The following YLPM1 variants were observed in gnomAD, a reference collection of about 807,000 sequenced individuals.
YLPM1 encodes the protein YLP motif containing 1.
A neutral mutation model predicts 230.0 loss-of-function variants in YLPM1; 99 were observed. That is an observed-to-expected ratio of 0.43 (90% CI 0.37 to 0.51). The LOEUF is 0.51. Among genes scored for constraint, YLPM1 ranks in the 20% least tolerant of loss-of-function variants. The pLI is 0.00. For missense variants in YLPM1, 2,592 were observed against 2,707.7 expected, an observed-to-expected ratio of 0.96 and a Z score of 0.95; for synonymous variants, 984 against 942.5, an observed-to-expected ratio of 1.04 and a Z score of -0.81.
At position 74,809,546 on chromosome 14, in the gene YLPM1, A is replaced by G. The variant is rs750258278; in HGVS notation, c.4688A>G (p.Lys1563Arg). 7 of 1,600,660 alleles carry G rather than the reference A, an allele frequency of 4.4e-6. No individual in the cohort carries two copies. In the Middle Eastern group the frequency reaches 6.6e-4, roughly 151 times the overall value. The change falls in exon 7 of 21, where the codon AAG becomes AGG. Residue 1563 changes from lysine (K) to arginine (R), a missense_variant. Around this residue, in one of 4 missense-constraint regions of YLPM1, gnomAD observed 403 missense variants for 426.7 expected, o/e 0.94. Coordinates refer to ENST00000325680, the MANE Select transcript of YLPM1 (RefSeq NM_019589.3). ...CTACCTCCTCCTCCTCCAGTGATAA[A>G]GCCACAAACTTCAGCTGTAGAACAG... is the stretch of plus-strand genomic sequence containing the variant. ...PPLPPPPPVI[K>R]PQTSAVEQER...
At chr14:74,823,521 A>G (rs1566766114) in intron 17 of YLPM1, among the ~76,000 whole-genome samples, 1 of 152,164 alleles carries the variant, frequency 6.6e-6, no homozygotes, top group Non-Finnish European at 1.5e-5. Context: ...TAAGCCACCC[A>G]GTTATTTTAT....
At chr14:74,770,575 A>G (rs2090968946) in intron 1 of YLPM1, among the ~76,000 whole-genome samples, 1 of 151,714 alleles carries the variant, frequency 6.6e-6, no homozygotes, top group Non-Finnish European at 1.5e-5. Flanking sequence ...CAGTGAGCCA[A>G]GATTGCCCCA....
At position 74,799,024 on chromosome 14, in the gene YLPM1, A is replaced by G. The variant is rs375919255; in HGVS notation, c.3727A>G (p.Asn1243Asp). 124 of 1,613,878 alleles carry G rather than the reference A, an allele frequency of 7.7e-5. 1 individual carries two copies. Among genetic ancestry groups the G allele is most frequent in the Middle Eastern group, 1.6e-4 (1 of 6,084 alleles). ...DYQDDTLELYNREDRFSAPPS... is the reference protein window; with the variant it reads ...DYQDDTLELYDREDRFSAPPS... ...TCAAGATGATACACTAGAGCTCTATAACAGAGAGGACAGGTTCTCAGCACC... is the reference window on the plus strand; with the variant it reads ...TCAAGATGATACACTAGAGCTCTATGACAGAGAGGACAGGTTCTCAGCACC... The change falls in exon 5 of 21, where the codon AAC (asparagine) becomes GAC (aspartate). Residue 1243 changes from asparagine to aspartate, a missense_variant. Coordinates refer to ENST00000325680, the MANE Select transcript of YLPM1 (RefSeq NM_019589.3).
In YLPM1 at chr14:74,764,372, C is replaced by A; in HGVS notation, c.873+10C>A. On this transcript the variant is annotated intron_variant, in intron 1 of 20. Coordinates refer to ENST00000325680, the MANE Select transcript of YLPM1 (RefSeq NM_019589.3). ...TACGATGACTCCACAGGTAAGAAAG[C>A]ATCTGCCTGAACCTCATCTTTCACC... 6.3e-7 allele frequency: 1 copy of A among 1,593,048 alleles called. No homozygotes were observed. The highest frequency in any genetic ancestry group is 8.6e-7 in the Non-Finnish European group (1 of 1,167,870).
At chr14:74,826,723 T>C (rs899248934) in intron 18 of YLPM1, among the ~76,000 whole-genome samples, 4 of 152,102 alleles carry the variant, frequency 2.6e-5, no homozygotes, top group African/African-American at 9.7e-5. Flanking sequence ...TGGCATGGAG[T>C]TGTTGAAGGC....
rs2090868238 is a variant in YLPM1 at position 74,763,357 on chromosome 14, G to GCGCGCTCCGTTTA, written c.-131_-119dup. On this transcript the variant is annotated 5_prime_UTR_variant, in exon 1 of 21. Coordinates refer to ENST00000325680, the MANE Select transcript of YLPM1 (RefSeq NM_019589.3). ...CCAGCTCGGGAGCGCCGGCGCACTG[G>GCGCGCTCCGTTTA]CGCGCTCCGTTTACACGCTCCGGGG... is the stretch of plus-strand genomic sequence containing the variant. 1.7e-6 allele frequency: 2 copies of GCGCGCTCCGTTTA among 1,150,626 alleles called. No individual in the cohort carries two copies. The highest frequency in any genetic ancestry group is 1.6e-5 in the African/African-American group (1 of 62,316). 71.3% of individuals were successfully genotyped at this position (1,150,626 alleles called of 1,614,324 possible). A position where few individuals can be genotyped will look rare whatever the true frequency, so the allele number is the denominator to read the frequency against.
intron 17 of YLPM1, 156 bp from the exon 18 acceptor site, chr14:74,824,100 A>G: frequency 1.5e-6 from 1 of 674,658 alleles, no homozygotes; most frequent in South Asian, 2.1e-5. Flanking sequence ...TAGTTTCTTC[A>G]AAGATAATGA....
Position 74,788,114 on chromosome 14 carries a change from A to G in YLPM1, c.2282+5789A>G, listed in dbSNP as rs1158003861. 3.7e-5 allele frequency among the ~76,000 whole-genome samples: 3 copies of G among 81,072 alleles called. No individual in the cohort carries two copies. In the East Asian group the frequency reaches 1.3e-3, roughly 36 times the overall value. 53.2% of individuals were successfully genotyped at this position (81,072 alleles called of 152,430 possible). On this transcript the variant is annotated intron_variant, in intron 4 of 20. Coordinates refer to ENST00000325680, the MANE Select transcript of YLPM1 (RefSeq NM_019589.3). The stretch of plus-strand genomic sequence containing the variant: ...AAAAGATGAAATAATTCTGTCACAT[A>G]CCCTTTTTTTTTTTCTTTTTTTTTG...
At position 74,763,667 on chromosome 14, in the gene YLPM1, C is replaced by G; in HGVS notation, c.178C>G (p.Gln60Glu). 1 of 1,578,852 alleles carries G rather than the reference C, an allele frequency of 6.3e-7. No individual in the cohort carries two copies. Among genetic ancestry groups the G allele is most frequent in the Non-Finnish European group, 8.6e-7 (1 of 1,159,884 alleles). The change falls in exon 1 of 21, where the codon CAG becomes GAG. Residue 60 changes from glutamine (Q) to glutamate (E), a missense_variant. This residue lies in a region of YLPM1 where 1,862 missense variants were observed against 1,819.8 expected (regional missense o/e 1.02). Coordinates refer to ENST00000325680, the MANE Select transcript of YLPM1 (RefSeq NM_019589.3). ...GAGCTTCCGCGAACAGCACTTGGCGCAGCTCCAGCAGCTGCAGCAGATGCA... is the reference window on the plus strand; with the variant it reads ...GAGCTTCCGCGAACAGCACTTGGCGGAGCTCCAGCAGCTGCAGCAGATGCA... ...FMSFREQHLAQLQQLQQMHQK... is the reference protein window; with the variant it reads ...FMSFREQHLAELQQLQQMHQK...
intron 4 of YLPM1, among the ~76,000 whole-genome samples, chr14:74,793,080 T>A (rs1429062107): frequency 6.6e-6 from 1 of 152,232 alleles, no homozygotes; most frequent in African/African-American, 2.4e-5. Flanking sequence ...CTTTTCCTGT[T>A]TTGGTGACCT....
In YLPM1 at chr14:74,798,899, A is replaced by G; in HGVS notation, c.3602A>G (p.His1201Arg). Reference sequence around the variant, plus strand: ...TGGAACCATGGAGAAGAGCGAGGGCATGAAGAGTTTCCATTAGATGGTAGA... The same window carrying G: ...TGGAACCATGGAGAAGAGCGAGGGCGTGAAGAGTTTCCATTAGATGGTAGA... ...APWNHGEERG[H>R]EEFPLDGRNA... Residue 1201 changes from histidine (H) to arginine (R), a missense_variant, in exon 5 of 21, where the codon CAT becomes CGT. This residue lies in a region of YLPM1 where 1,862 missense variants were observed against 1,819.8 expected (regional missense o/e 1.02). Coordinates refer to ENST00000325680, the MANE Select transcript of YLPM1 (RefSeq NM_019589.3). 6.2e-7 allele frequency: 1 copy of G among 1,613,954 alleles called. No homozygotes were observed. Among genetic ancestry groups the G allele is most frequent in the Non-Finnish European group, 8.5e-7 (1 of 1,179,876 alleles).
chr14:74,771,433 G>T (rs1225680548), intron 1 of YLPM1, among the ~76,000 whole-genome samples: 2 of 152,206 alleles, frequency 1.3e-5, no homozygotes, highest in Middle Eastern at 6.8e-3. Context: ...GGCCAAATAG[G>T]TATTCATATT....
Position 74,764,046 on chromosome 14 carries a change from C to T in YLPM1, c.557C>T (p.Pro186Leu). The T allele has an allele frequency of 6.2e-7, 1 of 1,612,748 alleles. No homozygotes were observed. Among genetic ancestry groups the T allele is most frequent in the African/African-American group, 1.3e-5 (1 of 74,630 alleles). The change falls in exon 1 of 21, where the codon CCT becomes CTT. Residue 186 changes from proline to leucine, a missense_variant. By Grantham distance (98) the Pro-to-Leu change is moderately conservative. Around this residue, in one of 4 missense-constraint regions of YLPM1, gnomAD observed 1,862 missense variants for 1,819.8 expected, o/e 1.02. Transcript: ENST00000325680. ...PPTSSQPYLPPAQPSPSQSPP... is the reference protein window; with the variant it reads ...PPTSSQPYLPLAQPSPSQSPP... ...ACCTCATCTCAGCCCTACCTGCCTC[C>T]TGCTCAGCCGTCCCCTTCGCAGTCC... is the stretch of plus-strand genomic sequence containing the variant.
chr14:74,821,256 T>G, intron 17 of YLPM1, 119 bp downstream of exon 17: 2 of 1,338,414 alleles, frequency 1.5e-6, no homozygotes, highest in East Asian at 2.7e-5. Context: ...GGTAAAAGTT[T>G]CCATAATCAT....
At chr14:74,791,402 C>G (rs1186848488) in intron 4 of YLPM1, among the ~76,000 whole-genome samples, 1 of 152,230 alleles carries the variant, frequency 6.6e-6, no homozygotes, top group East Asian at 1.9e-4. Flanking sequence ...GGCTGTTGAT[C>G]AGCAATTTGG....
At position 74,782,019 on chromosome 14, in the gene YLPM1, G is replaced by T. The variant is rs149519093; in HGVS notation, c.1976G>T (p.Ser659Ile). Residue 659 changes from serine (S) to isoleucine (I), a missense_variant, in exon 4 of 21, where the codon AGC becomes ATC. Physicochemically the swap from Ser to Ile is moderately radical, Grantham distance 142. Coordinates refer to ENST00000325680, the MANE Select transcript of YLPM1 (RefSeq NM_019589.3). ...APVPPASSSQ[S>I]SQVPEKPRPA... is the part of the protein sequence containing the mutation. ...GTTCCACCAGCCTCCAGTTCACAGA[G>T]CTCGCAAGTTCCAGAGAAACCTAGA... 6.2e-7 allele frequency: 1 copy of T among 1,613,936 alleles called. No individual in the cohort carries two copies. The highest frequency in any genetic ancestry group is 2.2e-5 in the East Asian group (1 of 44,884).
chr14:74,832,781 A>G (rs192137738), intron 19 of YLPM1, among the ~76,000 whole-genome samples: 5 of 152,258 alleles, frequency 3.3e-5, no homozygotes, highest in Admixed American at 2.0e-4. Context: ...CCTAATTCCA[A>G]TGTTAAAATC....
chr14:74,814,904 A>G (rs2091464657), intron 11 of YLPM1, among the ~76,000 whole-genome samples: 1 of 152,208 alleles, frequency 6.6e-6, no homozygotes, highest in Non-Finnish European at 1.5e-5. Context: ...TTCACTTGTT[A>G]TAGGTCTATT....
chr14:74,800,958 A>G (rs534038323), intron 5 of YLPM1, among the ~76,000 whole-genome samples: 1 of 152,330 alleles, frequency 6.6e-6, no homozygotes, highest in South Asian at 2.1e-4. Context: ...CAAAGAGGTT[A>G]AGTTCCCTTG....
Sources: allele counts gnomAD v4.1 joint callset (sites outside exome capture counted in the v4.1 genomes callset), GRCh38; gene constraint gnomAD v4.1.1; regional missense constraint gnomAD v4.1.1; transcripts MANE v1.5; gene names NCBI Gene and HGNC (gene_info 2026-07-23, HGNC 2026-07-21).